Variants in INPP5F observed in about 807,000 individuals in gnomAD.
INPP5F encodes phosphatidylinositide 4-phosphatase SAC2.
INPP5F carries 97 observed loss-of-function variants against 137.2 expected under a neutral mutation model. That is an observed-to-expected ratio of 0.71 (90% CI 0.60 to 0.84). INPP5F has a LOEUF of 0.84. Among genes scored for constraint, INPP5F ranks in the 40% least tolerant of loss-of-function variants. The probability of loss-of-function intolerance (pLI) is 0.00; values close to 1 mark genes in which losing one functional copy is unlikely to be tolerated. For missense variants in INPP5F, 1,271 were observed against 1,371.9 expected (o/e 0.93, Z 1.16); for synonymous variants, 504 against 476.9 (o/e 1.06, Z -0.74).
intron 1 of INPP5F, among the ~76,000 whole-genome samples, chr10:119,745,991 C>T (rs1429730374): frequency 1.3e-5 from 2 of 152,094 alleles, no homozygotes; most frequent in Non-Finnish European, 2.9e-5. Context: ...TGTGAGCCAC[C>T]GTGCCCGACC....
chr10:119,732,411 A>G (rs1329952631), intron 1 of INPP5F, among the ~76,000 whole-genome samples: 3 of 151,582 alleles, frequency 2.0e-5, no homozygotes, highest in African/African-American at 7.3e-5. Context: ...GTTTTTGTGT[A>G]TATTTTGTTG....
Position 119,792,202 on chromosome 10 carries a change from A to C in INPP5F, c.658A>C (p.Thr220Pro). Reference protein sequence around the residue: ...FWNKYMIQDLTEIGTPDVDFW... With the variant: ...FWNKYMIQDLPEIGTPDVDFW... The stretch of plus-strand genomic sequence containing the variant: ...GAATAAATACATGATACAAGATCTT[A>C]CTGAGATTGGTGTGAGTAGTTGTTT... Residue 220 changes from threonine (T) to proline (P), a missense_variant, in exon 6 of 20, where the codon ACT becomes CCT. Physicochemically the swap from Thr to Pro is conservative, Grantham distance 38. Coordinates refer to ENST00000650623, the MANE Select transcript of INPP5F (RefSeq NM_014937.4). 6.2e-7 allele frequency: 1 copy of C among 1,612,490 alleles called. No individual in the cohort carries two copies. The highest frequency in any genetic ancestry group is 8.5e-7 in the Non-Finnish European group (1 of 1,178,470).
chr10:119,821,780 G>A (rs779094997), intron 16 of INPP5F, among the ~76,000 whole-genome samples: 58 of 145,170 alleles, frequency 4.0e-4, no homozygotes, highest in Non-Finnish European at 8.1e-4. Flanking sequence ...GCGCGCATGT[G>A]TTTGCCTTGT....
intron 1 of INPP5F, among the ~76,000 whole-genome samples, chr10:119,742,125 G>A (rs1848393005): frequency 1.3e-5 from 2 of 150,254 alleles, no homozygotes; most frequent in Middle Eastern, 3.5e-3. Context: ...CGCCCGGCCC[G>A]ACGACAGCTT....
At chr10:119,793,667 G>C (rs1850226003) in intron 6 of INPP5F, 1 of 151,812 alleles carries the variant, frequency 6.6e-6, no homozygotes, top group South Asian at 2.1e-4. Context: ...TGTTTTTTTT[G>C]ACACAGTATC....
chr10:119,827,969 C>G lies in INPP5F; in HGVS notation c.*189C>G, dbSNP rs1014350792. 3 of 552,122 alleles carry G rather than the reference C, an allele frequency of 5.4e-6. No individual in the cohort carries two copies. The highest frequency in any genetic ancestry group is 3.8e-5 in the African/African-American group (2 of 52,868). 34.2% of individuals were successfully genotyped at this position (552,122 alleles called of 1,614,324 possible). On this transcript the variant is annotated 3_prime_UTR_variant, in exon 20 of 20. Coordinates refer to ENST00000650623, the MANE Select transcript of INPP5F (RefSeq NM_014937.4). ...GCCAGGACTACAGAAGTGCATCATTCTAGAATGTGTAGACCTGAGTAGCTT... is the reference window on the plus strand; with the variant it reads ...GCCAGGACTACAGAAGTGCATCATTGTAGAATGTGTAGACCTGAGTAGCTT...
Position 119,774,112 on chromosome 10 carries a change from A to T in INPP5F, c.179-7523A>T, listed in dbSNP as rs552955818. ...CCCCGTCTCTACTAAAAATAAAAAA[A>T]TTAGCTAGGCATGGTGGCGTGCGCC... On this transcript the variant is annotated intron_variant, in intron 2 of 19. Coordinates refer to ENST00000650623, the MANE Select transcript of INPP5F (RefSeq NM_014937.4). 2.6e-5 allele frequency among the ~76,000 whole-genome samples: 4 copies of T among 152,122 alleles called. No homozygotes were observed. In the East Asian group the frequency reaches 7.7e-4, roughly 29 times the overall value.
At chr10:119,821,423 G>T (rs997183475) in intron 16 of INPP5F, among the ~76,000 whole-genome samples, 1 of 151,816 alleles carries the variant, frequency 6.6e-6, no homozygotes, top group Non-Finnish European at 1.5e-5. Flanking sequence ...GTGGTTTGTT[G>T]TCAGATTGAT....
intron 16 of INPP5F, among the ~76,000 whole-genome samples, chr10:119,821,536 T>C (rs923751947): frequency 6.6e-6 from 1 of 152,240 alleles, no homozygotes; most frequent in African/African-American, 2.4e-5. Flanking sequence ...TAAGTAAATA[T>C]TCAATTTATT....
chr10:119,727,411 A>G (rs1847925395), intron 1 of INPP5F, among the ~76,000 whole-genome samples: 1 of 152,204 alleles, frequency 6.6e-6, no homozygotes, highest in Non-Finnish European at 1.5e-5. Context: ...GCCCTTTAAC[A>G]TATTATTTCC....
intron 15 of INPP5F, among the ~76,000 whole-genome samples, chr10:119,816,859 A>G (rs998297219): frequency 6.6e-5 from 10 of 152,216 alleles, no homozygotes; most frequent in African/African-American, 2.4e-4. Flanking sequence ...TAATTCATAT[A>G]CCATATAATT....
chr10:119,825,839 A>G (rs952644580), intron 19 of INPP5F: 2 of 396,974 alleles, frequency 5.0e-6, no homozygotes, highest in Non-Finnish European at 8.9e-6. Context: ...ACTTTAACCC[A>G]TAATTTTTCT....
chr10:119,738,397 AT>A (rs1198849006), intron 1 of INPP5F, among the ~76,000 whole-genome samples: 3 of 152,150 alleles, frequency 2.0e-5, no homozygotes, highest in Admixed American at 6.6e-5. Context: ...AAAACAATAC[AT>A]TTGTTGGATT....
At chr10:119,800,596 T>G (rs559372919) in intron 9 of INPP5F, among the ~76,000 whole-genome samples, 1 of 151,070 alleles carries the variant, frequency 6.6e-6, no homozygotes, top group African/African-American at 2.4e-5. Flanking sequence ...AAAAGTTTAT[T>G]CAAAAGGATG....
intron 2 of INPP5F, among the ~76,000 whole-genome samples, chr10:119,761,169 G>A (rs1848998357): frequency 6.6e-6 from 1 of 152,130 alleles, no homozygotes. Flanking sequence ...AAGCTTTACA[G>A]GCTAAGCAGA....
At chr10:119,818,568 G>A (rs1851390666) in intron 15 of INPP5F, 1 of 152,452 alleles carries the variant, frequency 6.6e-6, no homozygotes, top group Non-Finnish European at 1.5e-5. Context: ...TCCCCCGCCG[G>A]GCCGGGGTCT....
Position 119,828,102 on chromosome 10 carries a change from C to A in INPP5F, c.*322C>A, listed in dbSNP as rs1298828305. 4.8e-6 allele frequency: 1 copy of A among 208,414 alleles called. No individual in the cohort carries two copies. Among genetic ancestry groups the A allele is most frequent in the Non-Finnish European group, 9.7e-6 (1 of 103,578 alleles). The allele number at this position is 208,414 out of a possible 1,614,324, so 12.9% of individuals were successfully genotyped here. ...TGGGGTGGGTAGACTACAGTAGACA[C>A]AAGGGCTGGACATGCAGATGCTTAG... On this transcript the variant is annotated 3_prime_UTR_variant, in exon 20 of 20. Coordinates refer to ENST00000650623, the MANE Select transcript of INPP5F (RefSeq NM_014937.4).
In INPP5F at chr10:119,826,921, C is replaced by T; in HGVS notation, c.2540C>T (p.Ser847Phe). 1.2e-6 allele frequency: 2 copies of T among 1,614,080 alleles called. No homozygotes were observed. Among genetic ancestry groups the T allele is most frequent in the Non-Finnish European group, 1.7e-6 (2 of 1,179,950 alleles). ...GTGATGGATAAGGTTCAGGCAGAGT[C>T]TGATGGGGACATGTCTTCAGATAAT... ...TGVMDKVQAESDGDMSSDNDS... is the reference protein window; with the variant it reads ...TGVMDKVQAEFDGDMSSDNDS... The change falls in exon 20 of 20, where the codon TCT (serine) becomes TTT (phenylalanine). Residue 847 changes from serine (S) to phenylalanine (F), a missense_variant. Physicochemically the swap from Ser to Phe is radical, Grantham distance 155. This residue lies in a region of INPP5F where 490 missense variants were observed against 443.7 expected (regional missense o/e 1.10). Transcript: ENST00000650623.
At chr10:119,823,423 A>T (rs932582105) in intron 18 of INPP5F, among the ~76,000 whole-genome samples, 2 of 152,158 alleles carry the variant, frequency 1.3e-5, no homozygotes, top group African/African-American at 2.4e-5. Context: ...TTTAGCGGGG[A>T]TTCTCAGGGA....
Sources: gnomAD v4.1 joint callset for allele counts (sites outside exome capture counted in the v4.1 genomes callset) on GRCh38, gnomAD v4.1.1 for gene constraint, gnomAD v4.1.1 regional missense constraint, MANE v1.5 for transcripts, NCBI Gene and HGNC (gene_info 2026-07-23, HGNC 2026-07-21) for gene names.